Variants in ACOXL observed in about 807,000 individuals in gnomAD.
The protein encoded by ACOXL is acyl-coenzyme A oxidase-like protein.
In ACOXL, 70 loss-of-function variants were observed where a neutral mutation model predicts 71.9. That is an observed-to-expected ratio of 0.97 (90% confidence interval 0.80 to 1.19). The LOEUF (loss-of-function observed/expected upper bound fraction) is 1.19, where lower values mean the gene tolerates loss of function less well. Among genes scored for constraint, ACOXL ranks in the 50% most tolerant of loss-of-function variants. ACOXL has a pLI of 0.00. For synonymous variants in ACOXL, 253 were observed against 281.6 expected, an observed-to-expected ratio of 0.90 and a Z score of 1.02; for missense variants, 703 against 736.3, an observed-to-expected ratio of 0.95 and a Z score of 0.52.
In ACOXL at chr2:111,118,151, C is replaced by T; in HGVS notation, c.*335C>T. The stretch of plus-strand genomic sequence containing the variant: ...GAGCGCGCCCCACAGCCGGGTGCCG[C>T]CAAAGGTCTCCTGCTGTTAGCGGTG... On this transcript the variant is annotated 3_prime_UTR_variant, in exon 18 of 18. Transcript: ENST00000439055. The T allele has an allele frequency of 2.3e-6, 1 of 442,400 alleles. No homozygotes were observed. The highest frequency in any genetic ancestry group is 4.1e-6 in the Non-Finnish European group (1 of 246,312). The allele number at this position is 442,400 out of a possible 1,614,324, so 27.4% of individuals were successfully genotyped here.
intron 12 of ACOXL, among the ~76,000 whole-genome samples, chr2:110,952,922 T>C (rs1420306101): frequency 6.6e-6 from 1 of 152,260 alleles, no homozygotes; most frequent in Non-Finnish European, 1.5e-5. Flanking sequence ...TATAAGATTT[T>C]CAGTTTATTG....
At chr2:111,092,794 GCCT>G in intron 16 of ACOXL, 68 bp from the exon 17 acceptor site, 1 of 1,007,192 alleles carries the variant, frequency 9.9e-7, no homozygotes, top group East Asian at 2.4e-5. Flanking sequence ...TTTCTCTTTC[GCCT>G]CCTTAGATTT....
intron 16 of ACOXL, among the ~76,000 whole-genome samples, chr2:111,061,085 A>G (rs1323054255): frequency 6.6e-6 from 1 of 152,178 alleles, no homozygotes; most frequent in Non-Finnish European, 1.5e-5. Flanking sequence ...ATAAAAAAAG[A>G]AGATGGAGCT....
intron 17 of ACOXL, chr2:111,093,756 CGGG>C: frequency 2.4e-6 from 1 of 423,438 alleles, no homozygotes; most frequent in East Asian, 4.0e-5. Flanking sequence ...CCCAGCTACT[CGGG>C]AGGCTGAGGC....
At chr2:111,030,726 GAGCACAAAAAAAAAAATGCTAAAAGTTTA>G (rs1383680785) in intron 14 of ACOXL, among the ~76,000 whole-genome samples, 1 of 109,500 alleles carries the variant, frequency 9.1e-6, no homozygotes, top group Non-Finnish European at 2.0e-5. Flanking sequence ...TTATTTCCTT[GAGCACAAAAAAAAAAATGCTAAAAGTTTA>G]AGTATTAAAC....
At chr2:110,790,686 G>T (rs750813584) in intron 3 of ACOXL, among the ~76,000 whole-genome samples, 1 of 152,142 alleles carries the variant, frequency 6.6e-6, no homozygotes, top group Non-Finnish European at 1.5e-5. Context: ...GGGGCAGGAC[G>T]CTGGGTAGTC....
chr2:111,054,291 C>T (rs57210845), intron 16 of ACOXL, among the ~76,000 whole-genome samples: 9,218 of 152,248 alleles, frequency 0.061, 488 homozygotes, highest in African/African-American at 0.14. Context: ...AGGGCTGTCA[C>T]GCACCAGCAG....
intron 10 of ACOXL, among the ~76,000 whole-genome samples, chr2:110,860,997 A>T (rs1302267668): frequency 2.0e-5 from 3 of 152,190 alleles, no homozygotes; most frequent in African/African-American, 7.2e-5. Context: ...TACGCCTGTA[A>T]TCCCAGCTAC....
At chr2:110,777,378 A>G (rs1419655841) in intron 2 of ACOXL, among the ~76,000 whole-genome samples, 1 of 152,228 alleles carries the variant, frequency 6.6e-6, no homozygotes, top group Non-Finnish European at 1.5e-5. Flanking sequence ...ACTCCATTAA[A>G]TTATCATAGC....
At chr2:110,739,905 T>A (rs1476071221) in intron 1 of ACOXL, among the ~76,000 whole-genome samples, 1 of 152,244 alleles carries the variant, frequency 6.6e-6, no homozygotes, top group East Asian at 1.9e-4. Context: ...TCTTGGTTGG[T>A]CCACGTGGTT....
intron 1 of ACOXL, among the ~76,000 whole-genome samples, chr2:110,760,274 G>A (rs541833668): frequency 6.6e-6 from 1 of 151,818 alleles, no homozygotes; most frequent in Non-Finnish European, 1.5e-5. Context: ...CGAGTAGCTG[G>A]GACTACAGGC....
At chr2:110,767,443 A>G (rs926595899) in intron 1 of ACOXL, among the ~76,000 whole-genome samples, 5 of 152,226 alleles carry the variant, frequency 3.3e-5, no homozygotes, top group Admixed American at 6.5e-5. Context: ...CAGACACAGT[A>G]CAGTGATGAC....
intron 10 of ACOXL, among the ~76,000 whole-genome samples, chr2:110,885,848 G>T (rs1053165247): frequency 2.6e-5 from 4 of 152,150 alleles, no homozygotes; most frequent in Non-Finnish European, 4.4e-5. Context: ...TGGCTCAGCT[G>T]CTCGTAGCTG....
chr2:110,908,312 G>T (rs1381609683), intron 10 of ACOXL, among the ~76,000 whole-genome samples: 1 of 152,208 alleles, frequency 6.6e-6, no homozygotes, highest in Non-Finnish European at 1.5e-5. Context: ...ATTGCAGGGG[G>T]GTTTAGGTGG....
At chr2:110,838,173 A>G (rs895482039) in intron 9 of ACOXL, among the ~76,000 whole-genome samples, 20 of 152,226 alleles carry the variant, frequency 1.3e-4, no homozygotes, top group African/African-American at 4.6e-4. Context: ...TTGCATATGC[A>G]TGCATGTATG....
At chr2:110,960,206 C>T (rs772365268) in intron 12 of ACOXL, among the ~76,000 whole-genome samples, 3 of 152,120 alleles carry the variant, frequency 2.0e-5, no homozygotes, top group South Asian at 2.1e-4. Context: ...GGCAAGCAGC[C>T]GGTGTGGCCA....
chr2:110,835,748 T>G (rs1224071528), intron 9 of ACOXL, among the ~76,000 whole-genome samples: 2 of 152,238 alleles, frequency 1.3e-5, no homozygotes, highest in African/African-American at 4.8e-5. Flanking sequence ...CTCAGTTCTT[T>G]CTGTACATCA....
intron 2 of ACOXL, among the ~76,000 whole-genome samples, chr2:110,781,157 A>C (rs1340047429): frequency 6.6e-6 from 1 of 152,248 alleles, no homozygotes; most frequent in Non-Finnish European, 1.5e-5. Context: ...ATGGTTACAC[A>C]GGTAGATAAT....
At chr2:110,780,401 A>G (rs1330931685) in intron 2 of ACOXL, among the ~76,000 whole-genome samples, 9 of 152,206 alleles carry the variant, frequency 5.9e-5, no homozygotes, top group Non-Finnish European at 5.9e-5. Flanking sequence ...TGTTCCTTAC[A>G]ACACTAAAAC....
Sources: allele counts gnomAD v4.1 joint callset (sites outside exome capture counted in the v4.1 genomes callset), GRCh38; gene constraint gnomAD v4.1.1; transcripts MANE v1.5; gene names NCBI Gene and HGNC (gene_info 2026-07-23, HGNC 2026-07-21).